The following RUNDC1 variants were observed in gnomAD, a reference collection of about 807,000 sequenced individuals.
RUNDC1 encodes the protein RUN domain containing 1.
RUNDC1 carries 31 observed loss-of-function variants against 49.3 expected under a neutral mutation model. The ratio of observed to expected loss-of-function variants is 0.63; its 90% confidence interval spans 0.47 to 0.85. The LOEUF (loss-of-function observed/expected upper bound fraction) is 0.85. Ranked by LOEUF, RUNDC1 falls within the 40% of genes least tolerant of loss-of-function variation. The probability of loss-of-function intolerance (pLI) is 0.00; values close to 1 mark genes in which losing one functional copy is unlikely to be tolerated. For missense variants in RUNDC1, 715 were observed against 806.7 expected (o/e 0.89, Z 1.38); for synonymous variants, 347 against 348.6 (o/e 1.00, Z 0.05).
chr17:42,981,072 C>G lies in RUNDC1; in HGVS notation c.496C>G (p.Gln166Glu), dbSNP rs1357634094. 1.3e-6 allele frequency: 2 copies of G among 1,563,856 alleles called. No homozygotes were observed. Among genetic ancestry groups the G allele is most frequent in the Non-Finnish European group, 1.7e-6 (2 of 1,162,888 alleles). Residue 166 changes from glutamine (Q) to glutamate (E), a missense_variant and splice_region_variant, in exon 1 of 5, where the codon CAG (glutamine) becomes GAG (glutamate). This residue lies in a region of RUNDC1 where 113 missense variants were observed against 93.4 expected (regional missense o/e 1.21). Coordinates refer to ENST00000361677, the MANE Select transcript of RUNDC1 (RefSeq NM_173079.5). ...GDRPWLRGED[Q>E]SEQEKQERLE... Reference sequence around the variant, plus strand: ...CCGGCCATGGTTGCGGGGCGAGGACCAGGTGAGTGGCTGGAGCCGGGCCGC... The same window carrying G: ...CCGGCCATGGTTGCGGGGCGAGGACGAGGTGAGTGGCTGGAGCCGGGCCGC...
intron 1 of RUNDC1, among the ~76,000 whole-genome samples, chr17:42,983,610 C>T (rs2050131732): frequency 6.6e-6 from 1 of 151,660 alleles, no homozygotes; most frequent in Non-Finnish European, 1.5e-5. Flanking sequence ...TGGGCTCAAG[C>T]AAGCCACCCA....
intron 1 of RUNDC1, among the ~76,000 whole-genome samples, chr17:42,986,812 T>C (rs2050178583): frequency 6.6e-6 from 1 of 151,878 alleles, no homozygotes; most frequent in Non-Finnish European, 1.5e-5. Context: ...TGGTTATGAG[T>C]TTTAAAGCCT....
At chr17:42,987,073 G>A (rs2050181024) in intron 1 of RUNDC1, among the ~76,000 whole-genome samples, 183 bp from the exon 2 acceptor site, 1 of 152,124 alleles carries the variant, frequency 6.6e-6, no homozygotes, top group African/African-American at 2.4e-5. Context: ...ACACCCATTT[G>A]ACAAATTGCC....
intron 1 of RUNDC1, 70 bp from the exon 2 acceptor site, chr17:42,987,186 G>A (rs951699236): frequency 1.3e-5 from 16 of 1,186,692 alleles, no homozygotes; most frequent in Admixed American, 3.7e-5. Flanking sequence ...TTACTGGCTC[G>A]AGCAGATTCT....
At chr17:42,981,224 G>GA in intron 1 of RUNDC1, 150 bp downstream of exon 1, 1 of 1,107,454 alleles carries the variant, frequency 9.0e-7, no homozygotes, top group Non-Finnish European at 1.2e-6. Context: ...CTGGAGTGCG[G>GA]GGCCGGCTGA....
Position 42,983,223 on chromosome 17 carries a change from A to AG in RUNDC1, c.498+2149_498+2150insG, listed in dbSNP as rs1305010808. Among the ~76,000 whole-genome samples the AG allele has an allele frequency of 4.0e-5, 6 of 150,838 alleles. No homozygotes were observed. The East Asian group carries it at 1.2e-3, about 29-fold the overall frequency. ...AGAAACATTGTACCACCTTAAAAAA[A>AG]AAAAAAAAAAGTAGTGCTCAATCCA... On this transcript the variant is annotated intron_variant, in intron 1 of 4. Coordinates refer to ENST00000361677, the MANE Select transcript of RUNDC1 (RefSeq NM_173079.5).
chr17:42,986,560 C>A (rs1391456408), intron 1 of RUNDC1, among the ~76,000 whole-genome samples: 2 of 151,984 alleles, frequency 1.3e-5, no homozygotes, highest in South Asian at 4.1e-4. Flanking sequence ...TGCAGTGGCG[C>A]GATCTCTGCT....
At chr17:42,986,046 C>T (rs1054477307) in intron 1 of RUNDC1, among the ~76,000 whole-genome samples, 1 of 152,012 alleles carries the variant, frequency 6.6e-6, no homozygotes, top group African/African-American at 2.4e-5. Flanking sequence ...ATTGCCCAGG[C>T]TGGAGTGCAG....
Position 42,990,410 on chromosome 17 carries a change from G to T in RUNDC1, c.950G>T (p.Ser317Ile), listed in dbSNP as rs763974387. 14 of 1,613,874 alleles carry T rather than the reference G, an allele frequency of 8.7e-6. No homozygotes were observed. Among genetic ancestry groups the T allele is most frequent in the Non-Finnish European group, 1.2e-5 (14 of 1,180,024 alleles). Residue 317 changes from serine (S) to isoleucine (I), a missense_variant, in exon 4 of 5, where the codon AGC becomes ATC. Physicochemically the swap from Ser to Ile is moderately radical, Grantham distance 142. Transcript: ENST00000361677. ...TGNGCSRTGS[S>I]RTPPGNSKTK... ...AATGGCTGCAGCAGAACAGGCAGCA[G>T]CAGAACGCCTCCAGGAAACAGCAAA...
At position 42,991,279 on chromosome 17, in the gene RUNDC1, G is replaced by GC; in HGVS notation, c.1407dup (p.Met470HisfsTer14). ...GCCAGCCTTCTCCTCGGCCCCAGAG[G>GC]CCATGCACCCGTGGGAGCTCTTTGT... is the stretch of plus-strand genomic sequence containing the variant. On this transcript the variant is annotated frameshift_variant, in exon 5 of 5. Transcript: ENST00000361677. LOFTEE classifies it high-confidence loss of function. The GC allele has an allele frequency of 6.2e-7, 1 of 1,614,190 alleles. No homozygotes were observed. Among genetic ancestry groups the GC allele is most frequent in the Middle Eastern group, 1.6e-4 (1 of 6,062 alleles).
rs17853899 is a variant in RUNDC1, at chr17:42,980,586, G to T, written c.10G>T (p.Val4Phe). 2.2e-5 allele frequency: 35 copies of T among 1,609,558 alleles called. No individual in the cohort carries two copies. The highest frequency in any genetic ancestry group is 2.9e-5 in the Non-Finnish European group (34 of 1,179,116). The change falls in exon 1 of 5, where the codon GTC becomes TTC. Residue 4 changes from valine (V) to phenylalanine (F), a missense_variant. By Grantham distance (50) the Val-to-Phe change is conservative. This residue lies in a region of RUNDC1 where 153 missense variants were observed against 139.4 expected (regional missense o/e 1.10). Transcript: ENST00000361677. Reference sequence around the variant, plus strand: ...TGGTGTTTCCGGGAAGATGGCGGCTGTCGAAGCGGCTGCAGAGCCGGTAAC... The same window carrying T: ...TGGTGTTTCCGGGAAGATGGCGGCTTTCGAAGCGGCTGCAGAGCCGGTAAC... MAA[V>F]EAAAEPVTVV...
chr17:42,984,495 G>A (rs1382757264), intron 1 of RUNDC1, among the ~76,000 whole-genome samples: 1 of 152,108 alleles, frequency 6.6e-6, no homozygotes, highest in African/African-American at 2.4e-5. Context: ...TGGCCAGGCT[G>A]GTCTCGAACT....
At chr17:42,984,053 T>C (rs2050137802) in intron 1 of RUNDC1, among the ~76,000 whole-genome samples, 1 of 151,804 alleles carries the variant, frequency 6.6e-6, no homozygotes, top group Non-Finnish European at 1.5e-5. Context: ...CACTGCATCC[T>C]CAACCTCCTG....
intron 1 of RUNDC1, among the ~76,000 whole-genome samples, chr17:42,986,529 G>A (rs1048698752): frequency 1.3e-4 from 19 of 151,788 alleles, no homozygotes; most frequent in African/African-American, 4.1e-4. Flanking sequence ...ACGGAGTCTC[G>A]CTCTGTCACC....
chr17:42,981,051 C>T lies in RUNDC1; in HGVS notation c.475C>T (p.Pro159Ser). ...GGGCGATGGGCTGCCAGGGGACCGG[C>T]CATGGTTGCGGGGCGAGGACCAGGT... Reference protein sequence around the residue: ...DEGDGLPGDRPWLRGEDQSEQ... With the variant: ...DEGDGLPGDRSWLRGEDQSEQ... Residue 159 changes from proline to serine, a missense_variant, in exon 1 of 5, where the codon CCA becomes TCA. By Grantham distance (74) the Pro-to-Ser change is moderately conservative. Around this residue, in one of 5 missense-constraint regions of RUNDC1, gnomAD observed 113 missense variants for 93.4 expected, o/e 1.21. Transcript: ENST00000361677. 1 of 1,561,890 alleles carries T rather than the reference C, an allele frequency of 6.4e-7. No individual in the cohort carries two copies. The highest frequency in any genetic ancestry group is 8.6e-7 in the Non-Finnish European group (1 of 1,161,564).
Position 42,980,888 on chromosome 17 carries a change from G to T in RUNDC1, c.312G>T (p.Val104=). The T allele has an allele frequency of 6.6e-7, 1 of 1,521,770 alleles. No homozygotes were observed. The highest frequency in any genetic ancestry group is 2.0e-5 in the Admixed American group (1 of 50,134). 94.3% of individuals were successfully genotyped at this position (1,521,770 alleles called of 1,614,324 possible). ...LLALSSHFAQ[V]QFRLRQVVRG... The stretch of plus-strand genomic sequence containing the variant: ...CGCTGTCCTCGCACTTCGCGCAGGT[G>T]CAGTTCCGCCTGCGCCAGGTGGTGC... The change falls in exon 1 of 5, where the codon GTG becomes GTT. Residue 104 remains valine (V), a synonymous_variant. Coordinates refer to ENST00000361677, the MANE Select transcript of RUNDC1 (RefSeq NM_173079.5).
At chr17:42,983,112 T>C (rs749732680) in intron 1 of RUNDC1, among the ~76,000 whole-genome samples, 9 of 149,570 alleles carry the variant, frequency 6.0e-5, no homozygotes, top group African/African-American at 2.2e-4. Flanking sequence ...AGCCCAGGAG[T>C]TGGAGGCTGC....
At chr17:42,986,836 T>A (rs1170424717) in intron 1 of RUNDC1, among the ~76,000 whole-genome samples, 1 of 152,140 alleles carries the variant, frequency 6.6e-6, no homozygotes, top group Admixed American at 6.6e-5. Flanking sequence ...TCCACACCCT[T>A]ACCCCAGATT....
rs2050234574 is a variant in RUNDC1 at position 42,991,161 on chromosome 17, G to GCTAA, written c.1289_1292dup (p.Val432AsnfsTer53). ...AGCTGACTATGGCTGTGCGGAAGGAGCTAACGGTGGCTGTGAGGGACCTGC... is the reference window on the plus strand; with the variant it reads ...AGCTGACTATGGCTGTGCGGAAGGAGCTAACTAACGGTGGCTGTGAGGGACCTGC... On this transcript the variant is annotated frameshift_variant, in exon 5 of 5. Transcript: ENST00000361677. LOFTEE classifies it high-confidence loss of function. 6.2e-7 allele frequency: 1 copy of GCTAA among 1,614,122 alleles called. No homozygotes were observed. Among genetic ancestry groups the GCTAA allele is most frequent in the Non-Finnish European group, 8.5e-7 (1 of 1,180,054 alleles).
Sources: gnomAD v4.1 joint callset for allele counts (sites outside exome capture counted in the v4.1 genomes callset) on GRCh38, gnomAD v4.1.1 for gene constraint, gnomAD v4.1.1 regional missense constraint, MANE v1.5 for transcripts, NCBI Gene and HGNC (gene_info 2026-07-23, HGNC 2026-07-21) for gene names.